The following BICDL1 variants were observed in gnomAD, a reference collection of about 807,000 sequenced individuals.
BICDL1 encodes the protein BICD family-like cargo adapter 1.
A neutral mutation model predicts 76.8 loss-of-function variants in BICDL1; 20 were observed. That is an observed-to-expected ratio of 0.26 (90% CI 0.18 to 0.38). BICDL1 has a LOEUF of 0.38. BICDL1 is among the 10% of genes least tolerant of loss of function. The pLI is 1.00. For synonymous variants in BICDL1, 383 were observed against 337.1 expected, an observed-to-expected ratio of 1.14 and a Z score of -1.49; for missense variants, 700 against 798.6, an observed-to-expected ratio of 0.88 and a Z score of 1.49.
At chr12:120,044,527 A>G (rs1952707564) in intron 2 of BICDL1, among the ~76,000 whole-genome samples, 1 of 152,164 alleles carries the variant, frequency 6.6e-6, no homozygotes, top group Non-Finnish European at 1.5e-5. Flanking sequence ...GTCTTCCCCT[A>G]GCCTTCCTGT....
At chr12:120,036,991 C>T (rs1952542152) in intron 2 of BICDL1, among the ~76,000 whole-genome samples, 1 of 152,196 alleles carries the variant, frequency 6.6e-6, no homozygotes, top group Non-Finnish European at 1.5e-5. Context: ...TGAGGATTCA[C>T]TTTCCAGAAC....
At chr12:120,065,790 C>T (rs1953207415) in intron 4 of BICDL1, among the ~76,000 whole-genome samples, 1 of 152,174 alleles carries the variant, frequency 6.6e-6, no homozygotes, top group South Asian at 2.1e-4. Context: ...CATAGGTAGG[C>T]TGTTTGAAAG....
At chr12:120,092,559 T>TG (rs1420396609) in intron 9 of BICDL1, 1 of 985,282 alleles carries the variant, frequency 1.0e-6, no homozygotes, top group Non-Finnish European at 1.2e-6. Flanking sequence ...GCCATTGGGC[T>TG]GGGGAGCTGT....
At chr12:120,058,085 G>A (rs751117576) in intron 2 of BICDL1, among the ~76,000 whole-genome samples, 5 of 151,540 alleles carry the variant, frequency 3.3e-5, no homozygotes, top group Non-Finnish European at 5.9e-5. Flanking sequence ...CACCCGCCTC[G>A]GCCTCCCAAA....
At chr12:120,091,598 A>C (rs1399799383) in intron 9 of BICDL1, 2 of 984,566 alleles carry the variant, frequency 2.0e-6, no homozygotes, top group Non-Finnish European at 2.4e-6. Flanking sequence ...GAAGGGAAGA[A>C]GACAAGGGCA....
chr12:120,038,355 T>A (rs1398323203), intron 2 of BICDL1, among the ~76,000 whole-genome samples: 2 of 152,238 alleles, frequency 1.3e-5, no homozygotes, highest in Non-Finnish European at 2.9e-5. Flanking sequence ...TTTATTACTT[T>A]ATCAGTAATA....
intron 2 of BICDL1, among the ~76,000 whole-genome samples, chr12:120,045,916 T>TAA (rs1373983633): frequency 1.5e-3 from 199 of 129,672 alleles, no homozygotes; most frequent in African/African-American, 6.4e-3. Flanking sequence ...ACTTAAAGTA[T>TAA]TATAATAATA....
chr12:120,041,635 G>C (rs1023405231), intron 2 of BICDL1, among the ~76,000 whole-genome samples: 31 of 152,296 alleles, frequency 2.0e-4, no homozygotes, highest in African/African-American at 7.0e-4. Context: ...GGCACAGGTA[G>C]GGTTAGGGTG....
At chr12:120,080,824 T>G in intron 7 of BICDL1, 63 bp from the exon 8 acceptor site, 2 of 1,584,188 alleles carry the variant, frequency 1.3e-6, no homozygotes, top group Non-Finnish European at 1.7e-6. Flanking sequence ...TGTTCCTTTT[T>G]CCCTCTTGGA....
chr12:120,055,531 T>C (rs1952955194), intron 2 of BICDL1, among the ~76,000 whole-genome samples: 1 of 152,230 alleles, frequency 6.6e-6, no homozygotes, highest in Non-Finnish European at 1.5e-5. Context: ...ACTTGAGGAT[T>C]CATTAAATAA....
chr12:120,012,541 C>T (rs900359738), intron 2 of BICDL1, among the ~76,000 whole-genome samples: 1 of 152,220 alleles, frequency 6.6e-6, no homozygotes, highest in African/African-American at 2.4e-5. Context: ...GTTATACCTC[C>T]TCCTATGACA....
intron 1 of BICDL1, among the ~76,000 whole-genome samples, chr12:119,996,589 G>T (rs7962812): frequency 0.35 from 52,483 of 151,742 alleles, 12,072 homozygotes; most frequent in African/African-American, 0.65. Context: ...AAGATTCATA[G>T]GTGCATTTTA....
chr12:120,005,556 T>C (rs1951834132), intron 2 of BICDL1, among the ~76,000 whole-genome samples: 1 of 152,136 alleles, frequency 6.6e-6, no homozygotes. Flanking sequence ...GTATTTTTAG[T>C]AGAGATGCGG....
intron 2 of BICDL1, among the ~76,000 whole-genome samples, chr12:120,055,299 C>T (rs1416724502): frequency 6.6e-6 from 1 of 152,180 alleles, no homozygotes; most frequent in Admixed American, 6.5e-5. Context: ...CAATTTCCTT[C>T]CCTCCATTTA....
At chr12:120,008,438 C>T (rs1037424750) in intron 2 of BICDL1, among the ~76,000 whole-genome samples, 12 of 152,048 alleles carry the variant, frequency 7.9e-5, no homozygotes, top group African/African-American at 2.4e-4. Flanking sequence ...GGATTACAGG[C>T]GTGAGCCACT....
At chr12:120,085,043 T>G (rs1445684266) in intron 8 of BICDL1, among the ~76,000 whole-genome samples, 1 of 152,194 alleles carries the variant, frequency 6.6e-6, no homozygotes, top group Non-Finnish European at 1.5e-5. Flanking sequence ...TGTCATGGTG[T>G]CTGTCAGTTT....
intron 9 of BICDL1, chr12:120,091,795 G>A: frequency 3.0e-6 from 3 of 985,382 alleles, no homozygotes; most frequent in Non-Finnish European, 3.6e-6. Context: ...ATGGGTGGGA[G>A]GGAGGAGGAG....
chr12:119,999,765 T>G (rs1210355538), intron 2 of BICDL1: 1 of 444,164 alleles, frequency 2.3e-6, no homozygotes, highest in Admixed American at 2.6e-5. Flanking sequence ...TTTTAGAAAA[T>G]TAAGACTTGG....
intron 8 of BICDL1, among the ~76,000 whole-genome samples, chr12:120,089,401 G>C (rs994968818): frequency 1.3e-5 from 2 of 151,776 alleles, no homozygotes; most frequent in African/African-American, 4.8e-5. Flanking sequence ...GTGTGTGTGT[G>C]TGTGACGGAG....
Sources: gnomAD v4.1 joint callset for allele counts (sites outside exome capture counted in the v4.1 genomes callset) on GRCh38, gnomAD v4.1.1 for gene constraint, MANE v1.5 for transcripts, NCBI Gene and HGNC (gene_info 2026-07-23, HGNC 2026-07-21) for gene names.